Variants in NAALADL2 observed in about 807,000 individuals in gnomAD.
NAALADL2 encodes the protein N-acetylated alpha-linked acidic dipeptidase like 2, also known as inactive N-acetylated-alpha-linked acidic dipeptidase-like protein 2.
In NAALADL2, 76 loss-of-function variants were observed where a neutral mutation model predicts 87.2. The observed-to-expected ratio is 0.87, with a 90% confidence interval of 0.72 to 1.05. The LOEUF is 1.05. Among genes scored for constraint, NAALADL2 ranks in the 50% least tolerant of loss-of-function variants. NAALADL2 has a pLI of 0.00. For missense variants in NAALADL2, 1,089 were observed against 945.8 expected (o/e 1.15, Z -1.99); for synonymous variants, 354 against 331.0 (o/e 1.07, Z -0.75).
intron 9 of NAALADL2, among the ~76,000 whole-genome samples, chr3:175,523,971 T>C (rs1274593085): frequency 2.0e-5 from 3 of 152,232 alleles, no homozygotes; most frequent in African/African-American, 7.2e-5. Flanking sequence ...TTTTAGTTTC[T>C]CTCTGATTTA....
chr3:175,465,978 G>A (rs1223703722), intron 7 of NAALADL2, among the ~76,000 whole-genome samples: 2 of 152,182 alleles, frequency 1.3e-5, no homozygotes, highest in Non-Finnish European at 2.9e-5. Flanking sequence ...CTAAAACTCA[G>A]AACAACTAAA....
chr3:175,656,448 G>C (rs1197118894), intron 11 of NAALADL2, among the ~76,000 whole-genome samples: 1 of 152,094 alleles, frequency 6.6e-6, no homozygotes, highest in Non-Finnish European at 1.5e-5. Context: ...CCTGAAAACA[G>C]TCATATGCTT....
At chr3:175,490,708 T>G (rs1332930076) in intron 9 of NAALADL2, among the ~76,000 whole-genome samples, 1 of 151,954 alleles carries the variant, frequency 6.6e-6, no homozygotes, top group African/African-American at 2.4e-5. Flanking sequence ...AGTAACTATT[T>G]GTATGGAAAG....
intron 2 of NAALADL2, among the ~76,000 whole-genome samples, chr3:175,189,016 C>T (rs1473242986): frequency 6.6e-6 from 1 of 152,160 alleles, no homozygotes; most frequent in Non-Finnish European, 1.5e-5. Context: ...CTCAGAGTCA[C>T]ACACCCTGGT....
chr3:174,480,535 C>T (rs889068040), intron 1 of NAALADL2, among the ~76,000 whole-genome samples: 1 of 152,024 alleles, frequency 6.6e-6, no homozygotes, highest in African/African-American at 2.4e-5. Flanking sequence ...GGAATATGTA[C>T]ATCTCCAAAA....
intron 4 of NAALADL2, among the ~76,000 whole-genome samples, chr3:175,264,694 A>C (rs1032968096): frequency 2.0e-5 from 3 of 151,756 alleles, no homozygotes; most frequent in Admixed American, 2.0e-4. Flanking sequence ...TAAATTATGG[A>C]GAAATATAAA....
intron 2 of NAALADL2, among the ~76,000 whole-genome samples, chr3:174,612,981 A>T (rs1490358133): frequency 6.6e-6 from 1 of 152,188 alleles, no homozygotes; most frequent in East Asian, 1.9e-4. Flanking sequence ...ATTACGACCT[A>T]AGCTGTATCT....
chr3:174,923,425 T>C (rs1458573496), intron 1 of NAALADL2, among the ~76,000 whole-genome samples: 1 of 152,120 alleles, frequency 6.6e-6, no homozygotes, highest in Non-Finnish European at 1.5e-5. Flanking sequence ...AGTATTCTTA[T>C]ACAGTAGAAT....
chr3:175,147,061 G>GTAGT (rs1250416011), intron 2 of NAALADL2, among the ~76,000 whole-genome samples: 1 of 152,102 alleles, frequency 6.6e-6, no homozygotes, highest in Non-Finnish European at 1.5e-5. Context: ...AAGTAATTCT[G>GTAGT]TAGTTAAGAA....
At chr3:175,108,706 A>C (rs1723668347) in intron 2 of NAALADL2, among the ~76,000 whole-genome samples, 1 of 152,118 alleles carries the variant, frequency 6.6e-6, no homozygotes, top group African/African-American at 2.4e-5. Flanking sequence ...GATGAAACAC[A>C]TCAGATATTC....
intron 4 of NAALADL2, among the ~76,000 whole-genome samples, chr3:175,317,434 A>T (rs573231803): frequency 6.6e-6 from 1 of 151,906 alleles, no homozygotes; most frequent in Non-Finnish European, 1.5e-5. Flanking sequence ...AATGACCCTG[A>T]ACCTGACCTC....
chr3:175,481,393 C>A (rs139458749), intron 9 of NAALADL2, among the ~76,000 whole-genome samples: 194 of 149,572 alleles, frequency 1.3e-3, no homozygotes, highest in African/African-American at 4.5e-3. Context: ...ATACTCTTTT[C>A]CCTTTTCAAT....
chr3:175,350,344 A>T (rs542194257), intron 5 of NAALADL2, among the ~76,000 whole-genome samples: 61 of 152,312 alleles, frequency 4.0e-4, no homozygotes, highest in African/African-American at 1.4e-3. Flanking sequence ...GTAGAGAAGC[A>T]GTGAGAAGCA....
At chr3:174,947,880 ATATAT>A (rs1739701095) in intron 1 of NAALADL2, among the ~76,000 whole-genome samples, 1 of 152,078 alleles carries the variant, frequency 6.6e-6, no homozygotes, top group Non-Finnish European at 1.5e-5. Flanking sequence ...CTAATAACAA[ATATAT>A]TTTATTTTGG....
intron 5 of NAALADL2, among the ~76,000 whole-genome samples, chr3:175,435,946 C>A (rs1340593748): frequency 6.7e-6 from 1 of 148,574 alleles, no homozygotes; most frequent in Non-Finnish European, 1.5e-5. Flanking sequence ...GTGCCCTGCA[C>A]CCACTAACTC....
intron 4 of NAALADL2, among the ~76,000 whole-genome samples, chr3:175,298,442 GTAA>G (rs1207483710): frequency 6.6e-6 from 1 of 152,054 alleles, no homozygotes; most frequent in Admixed American, 6.6e-5. Flanking sequence ...CTTCTAAAAA[GTAA>G]TAATAACTTT....
At chr3:174,564,119 A>G (rs1309823494) in intron 2 of NAALADL2, among the ~76,000 whole-genome samples, 1 of 152,132 alleles carries the variant, frequency 6.6e-6, no homozygotes, top group Non-Finnish European at 1.5e-5. Context: ...GAGTTCATAT[A>G]AGATTCATAT....
chr3:175,385,690 G>A (rs1246834631), intron 5 of NAALADL2, among the ~76,000 whole-genome samples: 1 of 152,092 alleles, frequency 6.6e-6, no homozygotes, highest in African/African-American at 2.4e-5. Context: ...CAATTACCTT[G>A]ATTTGAGTAT....
At chr3:175,604,711 G>T (rs1180234176) in intron 10 of NAALADL2, among the ~76,000 whole-genome samples, 3 of 152,030 alleles carry the variant, frequency 2.0e-5, no homozygotes, top group East Asian at 1.9e-4. Flanking sequence ...ACATATTTCT[G>T]CCTGAACCAC....
Sources: allele counts gnomAD v4.1 joint callset (sites outside exome capture counted in the v4.1 genomes callset), GRCh38; gene constraint gnomAD v4.1.1; transcripts MANE v1.5; gene names NCBI Gene and HGNC (gene_info 2026-07-23, HGNC 2026-07-21).